The following SACS variants were observed in gnomAD, a reference collection of about 807,000 sequenced individuals.
SACS encodes sacsin molecular chaperone, also known as sacsin.
SACS carries 197 observed loss-of-function variants against 348.0 expected under a neutral mutation model. The observed-to-expected ratio is 0.57, with a 90% CI of 0.50 to 0.64. The LOEUF is 0.64. SACS is among the 30% of genes least tolerant of loss of function. The pLI is 0.00. For synonymous variants in SACS, 1,985 were observed against 1,910.6 expected, an observed-to-expected ratio of 1.04 and a Z score of -1.02; for missense variants, 4,999 against 5,360.8, an observed-to-expected ratio of 0.93 and a Z score of 2.11.
rs143617437 is a variant in SACS, at chr13:23,330,115, CT to C, written c.*20del. 3,635 of 1,600,580 alleles carry C rather than the reference CT, an allele frequency of 2.3e-3. 60 individuals are homozygous for C. In the African/African-American group the frequency reaches 0.039, roughly 17 times the overall value. On this transcript the variant is annotated 3_prime_UTR_variant, in exon 10 of 10. Coordinates refer to ENST00000382292, the MANE Select transcript of SACS (RefSeq NM_014363.6). Reference sequence around the variant, plus strand: ...GTGCTACAACACATTCAAGATCTACCTTTTTTTTCGTTAAATATCTTCACAC... The same window carrying C: ...GTGCTACAACACATTCAAGATCTACCTTTTTTTCGTTAAATATCTTCACAC...
intron 4 of SACS, among the ~76,000 whole-genome samples, chr13:23,368,947 C>T (rs1161853717): frequency 6.6e-6 from 1 of 152,182 alleles, no homozygotes; most frequent in Non-Finnish European, 1.5e-5. Flanking sequence ...GATCCGCCCA[C>T]CTTGGCCTCC....
At chr13:23,354,236 A>G (rs1593143820) in intron 8 of SACS, among the ~76,000 whole-genome samples, 1 of 152,306 alleles carries the variant, frequency 6.6e-6, no homozygotes, top group South Asian at 2.1e-4. Flanking sequence ...TGGCCTTGTT[A>G]TTATTTGCAC....
chr13:23,336,943 G>A lies in SACS; in HGVS notation c.6933C>T (p.Tyr2311=), dbSNP rs756368029. 7 of 1,613,690 alleles carry A rather than the reference G, an allele frequency of 4.3e-6. No individual in the cohort carries two copies. Among genetic ancestry groups the A allele is most frequent in the Non-Finnish European group, 5.9e-6 (7 of 1,179,810 alleles). ...AKSVDDGITL[Y]QENITNACYK... is the part of the protein sequence containing the mutation. ...AGCAAGCATTGGTGATATTCTCCTG[G>A]TACAGTGTAATTCCATCATCAACTG... The change falls in exon 10 of 10, where the codon TAC becomes TAT. Residue 2311 remains tyrosine, a synonymous_variant. Transcript: ENST00000382292.
chr13:23,410,149 T>A (rs754641364), intron 2 of SACS, among the ~76,000 whole-genome samples: 1 of 152,242 alleles, frequency 6.6e-6, no homozygotes, highest in African/African-American at 2.4e-5. Flanking sequence ...CAAGATAACA[T>A]GTATGATGAT....
At chr13:23,382,625 G>A (rs565314943) in intron 2 of SACS, among the ~76,000 whole-genome samples, 2 of 152,150 alleles carry the variant, frequency 1.3e-5, no homozygotes, top group East Asian at 1.9e-4. Flanking sequence ...TGAACTCAAC[G>A]AATCCTAAAT....
At position 23,355,794 on chromosome 13, in the gene SACS, A is replaced by T. The variant is rs182864646; in HGVS notation, c.818T>A (p.Phe273Tyr). The change falls in exon 8 of 10, where the codon TTC becomes TAC. Residue 273 changes from phenylalanine (F) to tyrosine (Y), a missense_variant. Physicochemically the swap from Phe to Tyr is conservative, Grantham distance 22. Coordinates refer to ENST00000382292, the MANE Select transcript of SACS (RefSeq NM_014363.6). ...TTGTGAAGGTTGTAGGCGAAGAGGG[A>T]AACGGAAAAATGTTCCTGGAAAATT... ...NGNFPGTFFRFPLRLQPSQLS... is the reference protein window; with the variant it reads ...NGNFPGTFFRYPLRLQPSQLS... The T allele has an allele frequency of 1.9e-6, 3 of 1,614,220 alleles. No homozygotes were observed. In the Admixed American group the frequency reaches 5.0e-5, roughly 27 times the overall value.
chr13:23,332,910 G>T lies in SACS; in HGVS notation c.10966C>A (p.Pro3656Thr), dbSNP rs768293496. The change falls in exon 10 of 10, where the codon CCT becomes ACT. Residue 3656 changes from proline to threonine, a missense_variant. Pro to Thr is a conservative substitution (Grantham distance 38). Coordinates refer to ENST00000382292, the MANE Select transcript of SACS (RefSeq NM_014363.6). ...KELSLIPFLCPERAPAEFIRF... is the reference protein window; with the variant it reads ...KELSLIPFLCTERAPAEFIRF... ...ATGAATTCCGCGGGGGCCCGCTCAG[G>T]ACATAAGAATGGTATTAAAGATAGT... is the stretch of plus-strand genomic sequence containing the variant. 7 of 1,613,816 alleles carry T rather than the reference G, an allele frequency of 4.3e-6. No individual in the cohort carries two copies. The highest frequency in any genetic ancestry group is 3.3e-5 in the Admixed American group (2 of 59,974).
chr13:23,340,569 C>G lies in SACS; in HGVS notation c.3307G>C (p.Val1103Leu), dbSNP rs1025214806. Residue 1103 changes from valine to leucine, a missense_variant, in exon 10 of 10, where the codon GTT (valine) becomes CTT (leucine). Around this residue, in one of 6 missense-constraint regions of SACS, gnomAD observed 3,156 missense variants for 3,380.1 expected, o/e 0.93. Coordinates refer to ENST00000382292, the MANE Select transcript of SACS (RefSeq NM_014363.6). Reference sequence around the variant, plus strand: ...TCAATTTTTTTTGCCACTTGCACAACATCCTTTTCTTTGAGACTGGCTTCG... The same window carrying G: ...TCAATTTTTTTTGCCACTTGCACAAGATCCTTTTCTTTGAGACTGGCTTCG... ...KNEASLKEKD[V>L]VQVAKKIEAL... 4 of 1,613,596 alleles carry G rather than the reference C, an allele frequency of 2.5e-6. No homozygotes were observed. The highest frequency in any genetic ancestry group is 3.4e-6 in the Non-Finnish European group (4 of 1,179,884).
chr13:23,426,784 G>C (rs185226596), intron 1 of SACS, among the ~76,000 whole-genome samples: 3 of 152,150 alleles, frequency 2.0e-5, no homozygotes, highest in Admixed American at 1.3e-4. Context: ...CCTTTCCAAC[G>C]GAGGCAAATC....
chr13:23,342,749 A>C (rs1332326558), intron 9 of SACS, among the ~76,000 whole-genome samples: 1 of 152,236 alleles, frequency 6.6e-6, no homozygotes, highest in Non-Finnish European at 1.5e-5. Flanking sequence ...AAGTCAGCGC[A>C]CAGAGACTGG....
intron 2 of SACS, among the ~76,000 whole-genome samples, chr13:23,398,694 A>C: frequency 6.6e-6 from 1 of 152,144 alleles, no homozygotes; most frequent in East Asian, 1.9e-4. Flanking sequence ...ATCTGGGATC[A>C]ACGGAAAGGA....
In SACS at chr13:23,353,630, T is replaced by C. The variant is rs1159858378; in HGVS notation, c.2185+155A>G. ...TTTAGACAGCATCTCTTAGATGCCA[T>C]TCTGGCAACTGAAATATCTTAAAAC... On this transcript the variant is annotated intron_variant, in intron 9 of 9. Coordinates refer to ENST00000382292, the MANE Select transcript of SACS (RefSeq NM_014363.6). 8.4e-6 allele frequency: 5 copies of C among 592,960 alleles called. No homozygotes were observed. In the East Asian group the frequency reaches 1.4e-4, roughly 17 times the overall value. 36.7% of individuals were successfully genotyped at this position (592,960 alleles called of 1,614,324 possible). A position where few individuals can be genotyped will look rare whatever the true frequency, so the allele number is the denominator to read the frequency against.
At position 23,333,044 on chromosome 13, in the gene SACS, G is replaced by A. The variant is rs1001237879; in HGVS notation, c.10832C>T (p.Ala3611Val). 1.2e-6 allele frequency: 2 copies of A among 1,613,800 alleles called. No homozygotes were observed. The highest frequency in any genetic ancestry group is 2.7e-5 in the African/African-American group (2 of 74,908). Residue 3611 changes from alanine to valine, a missense_variant, in exon 10 of 10, where the codon GCT becomes GTT. This residue lies in a region of SACS where 831 missense variants were observed against 941.8 expected (regional missense o/e 0.88). Coordinates refer to ENST00000382292, the MANE Select transcript of SACS (RefSeq NM_014363.6). ...LQFAKEISVR[A>V]NTENWSKETL... ...TTCTTTGGACCAGTTTTCTGTATTA[G>A]CCCTCACACTGATTTCCTTAGCAAA...
At chr13:23,428,702 T>C (rs1874296634) in intron 1 of SACS, 1 of 152,210 alleles carries the variant, frequency 6.6e-6, no homozygotes, top group Non-Finnish European at 1.5e-5. Flanking sequence ...ATTTCAATAA[T>C]AAGAAAAATA....
chr13:23,341,780 CTTTTTTT>C (rs4068499), intron 9 of SACS, 90 bp from the exon 10 acceptor site: 350 of 298,620 alleles, frequency 1.2e-3, no homozygotes, highest in Admixed American at 1.3e-3. Flanking sequence ...CTGGAAGGTT[CTTTTTTT>C]TTTTTTTTTT....
Position 23,335,799 on chromosome 13 carries a change from C to T in SACS, c.8077G>A (p.Asp2693Asn), listed in dbSNP as rs1466990067. 2 of 1,613,970 alleles carry T rather than the reference C, an allele frequency of 1.2e-6. No homozygotes were observed. Among genetic ancestry groups the T allele is most frequent in the South Asian group, 2.2e-5 (2 of 91,080 alleles). The change falls in exon 10 of 10, where the codon GAT becomes AAT. Residue 2693 changes from aspartate to asparagine, a missense_variant. Coordinates refer to ENST00000382292, the MANE Select transcript of SACS (RefSeq NM_014363.6). The surrounding 1 kb of genome is among the most constrained non-coding windows in gnomAD (Gnocchi z 4.7). ...DLYLGTHFKL[D>N]NCTMFRFPLR... Reference sequence around the variant, plus strand: ...GGAAATCTGAACATTGTGCAATTATCCAGTTTAAAATGGGTTCCCAGATAA... The same window carrying T: ...GGAAATCTGAACATTGTGCAATTATTCAGTTTAAAATGGGTTCCCAGATAA...
chr13:23,398,304 G>T (rs1872792719), intron 2 of SACS, among the ~76,000 whole-genome samples: 1 of 152,116 alleles, frequency 6.6e-6, no homozygotes, highest in East Asian at 1.9e-4. Flanking sequence ...AGGCCAAGGT[G>T]GGCAGATCAC....
chr13:23,334,153 C>T lies in SACS; in HGVS notation c.9723G>A (p.Glu3241=), dbSNP rs772595501. ...AATGCCATGCATTCTTAAGCCAAGA[C>T]TCACTTGCAAAATTGTCTTTCCACT... ...CTKWKDNFAS[E]SWLKNAWHFI... is the part of the protein sequence containing the mutation. The change falls in exon 10 of 10, where the codon GAG becomes GAA. Residue 3241 remains glutamate, a synonymous_variant. Transcript: ENST00000382292. 2.5e-6 allele frequency: 4 copies of T among 1,613,796 alleles called. No homozygotes were observed. In the African/African-American group the frequency reaches 4.0e-5, roughly 16 times the overall value.
chr13:23,402,986 C>G (rs1873047067), intron 2 of SACS, among the ~76,000 whole-genome samples: 1 of 152,028 alleles, frequency 6.6e-6, no homozygotes, highest in Non-Finnish European at 1.5e-5. Context: ...ACCAGCCTGG[C>G]CGACATGATG....
Sources: gnomAD v4.1 joint callset for allele counts (sites outside exome capture counted in the v4.1 genomes callset) on GRCh38, gnomAD v4.1.1 for gene constraint, gnomAD v4.1.1 regional missense constraint, Gnocchi (gnomAD v3.1) non-coding constraint, MANE v1.5 for transcripts, NCBI Gene and HGNC (gene_info 2026-07-23, HGNC 2026-07-21) for gene names.